Variants in AFAP1L1 observed in about 807,000 individuals in gnomAD.
AFAP1L1 encodes actin filament-associated protein 1-like 1.
In AFAP1L1, 77 loss-of-function variants were observed where a neutral mutation model predicts 99.8. The ratio of observed to expected loss-of-function variants is 0.77; its 90% CI spans 0.64 to 0.93. The LOEUF is 0.93. Ranked by LOEUF, AFAP1L1 falls within the 40% of genes least tolerant of loss-of-function variation. The pLI is 0.00. For missense variants in AFAP1L1, 893 were observed against 996.8 expected, an observed-to-expected ratio of 0.90 and a Z score of 1.40; for synonymous variants, 373 against 395.3, an observed-to-expected ratio of 0.94 and a Z score of 0.67.
chr5:149,304,315 G>A (rs1756326804), intron 5 of AFAP1L1: 1 of 152,248 alleles, frequency 6.6e-6, no homozygotes, highest in East Asian at 1.9e-4. Context: ...ATGGTGCTTG[G>A]ATCAGGTAAT....
At chr5:149,314,771 G>C (rs1333682937) in intron 9 of AFAP1L1, among the ~76,000 whole-genome samples, 1 of 152,216 alleles carries the variant, frequency 6.6e-6, no homozygotes, top group Non-Finnish European at 1.5e-5. Context: ...CATAAGCTGA[G>C]CCTGGTTTGA....
chr5:149,334,214 T>C (rs571883279), intron 17 of AFAP1L1, among the ~76,000 whole-genome samples: 1 of 152,326 alleles, frequency 6.6e-6, no homozygotes, highest in African/African-American at 2.4e-5. Context: ...CCACACCTGA[T>C]TGAGCCAGTG....
intron 5 of AFAP1L1, among the ~76,000 whole-genome samples, chr5:149,303,983 T>C (rs1455349390): frequency 2.0e-5 from 3 of 152,160 alleles, no homozygotes; most frequent in Admixed American, 6.5e-5. Context: ...CCCCAAACAT[T>C]GTCATCACCC....
At chr5:149,274,210 C>T (rs760760717) in intron 1 of AFAP1L1, among the ~76,000 whole-genome samples, 20 of 152,210 alleles carry the variant, frequency 1.3e-4, no homozygotes, top group Non-Finnish European at 2.9e-4. Flanking sequence ...CTATTGTGAT[C>T]AATCTGCTGA....
At chr5:149,276,919 A>T (rs1454615212) in intron 1 of AFAP1L1, 1 of 152,210 alleles carries the variant, frequency 6.6e-6, no homozygotes. Flanking sequence ...CACTGTCCAA[A>T]TGACATTGCT....
At chr5:149,331,586 C>T (rs1049351681) in intron 16 of AFAP1L1, among the ~76,000 whole-genome samples, 3 of 151,498 alleles carry the variant, frequency 2.0e-5, no homozygotes, top group Non-Finnish European at 4.4e-5. Context: ...CGCCACTGCA[C>T]TCCAGCCTGG....
chr5:149,318,213 C>G (rs143430138), intron 12 of AFAP1L1, among the ~76,000 whole-genome samples: 2,567 of 152,282 alleles, frequency 0.017, 67 homozygotes, highest in African/African-American at 0.055. Context: ...TTTATTGATA[C>G]TAAAATATTA....
intron 1 of AFAP1L1, among the ~76,000 whole-genome samples, chr5:149,285,150 C>G (rs1755639169): frequency 6.6e-6 from 1 of 152,038 alleles, no homozygotes; most frequent in African/African-American, 2.4e-5. Flanking sequence ...GGGGGCCTGG[C>G]CCAGAACCAA....
intron 6 of AFAP1L1, 78 bp from the exon 7 acceptor site, chr5:149,307,324 C>A: frequency 2.0e-6 from 3 of 1,470,750 alleles, no homozygotes; most frequent in African/African-American, 1.4e-5. Context: ...GTCCCCAGTG[C>A]AGGGATCGCT....
chr5:149,330,378 G>C (rs537874502), intron 16 of AFAP1L1, among the ~76,000 whole-genome samples: 10 of 152,294 alleles, frequency 6.6e-5, no homozygotes, highest in African/African-American at 2.4e-4. Flanking sequence ...TAAGCCTAAG[G>C]TTTCTTCACA....
Position 149,335,668 on chromosome 5 carries a change from G to T in AFAP1L1, c.2229G>T (p.Lys743Asn). ...LPVNCVSELRKRSPSIVASNQ... is the reference protein window; with the variant it reads ...LPVNCVSELRNRSPSIVASNQ... The stretch of plus-strand genomic sequence containing the variant: ...TCAACTGTGTTTCTGAGCTGAGGAA[G>T]AGGAGCCCATCCATCGTAGCCTCCA... Residue 743 changes from lysine to asparagine, a missense_variant, in exon 18 of 19, where the codon AAG (lysine) becomes AAT (asparagine). Lys to Asn is a moderately conservative substitution (Grantham distance 94). Coordinates refer to ENST00000296721, the MANE Select transcript of AFAP1L1 (RefSeq NM_152406.4). 1 of 1,613,806 alleles carries T rather than the reference G, an allele frequency of 6.2e-7. No homozygotes were observed. Among genetic ancestry groups the T allele is most frequent in the Non-Finnish European group, 8.5e-7 (1 of 1,180,030 alleles).
chr5:149,329,938 G>GCCCACTTCTCT, intron 16 of AFAP1L1, 108 bp downstream of exon 16: 19 of 1,068,212 alleles, frequency 1.8e-5, no homozygotes, highest in Non-Finnish European at 2.3e-5. Flanking sequence ...CCCAAGAGAA[G>GCCCACTTCTCT]TGGGCTTCTC....
chr5:149,332,645 G>T, intron 16 of AFAP1L1, 50 bp from the exon 17 acceptor site: 1 of 1,571,802 alleles, frequency 6.4e-7, no homozygotes, highest in South Asian at 1.2e-5. Flanking sequence ...CAGATTCCCT[G>T]ACATTTCAGG....
chr5:149,282,484 G>T (rs1000602924), intron 1 of AFAP1L1, among the ~76,000 whole-genome samples: 2 of 152,182 alleles, frequency 1.3e-5, no homozygotes. Flanking sequence ...CCCCCCTTGG[G>T]CTTCAGTTCC....
chr5:149,322,550 G>A (rs913164789), intron 14 of AFAP1L1, 56 bp from the exon 15 acceptor site: 107 of 1,293,888 alleles, frequency 8.3e-5, no homozygotes, highest in Non-Finnish European at 1.1e-4. Flanking sequence ...AATACACCCT[G>A]CATTGATGAG....
At chr5:149,332,395 CAA>C (rs35764548) in intron 16 of AFAP1L1, among the ~76,000 whole-genome samples, 3 of 150,348 alleles carry the variant, frequency 2.0e-5, no homozygotes, top group African/African-American at 7.3e-5. Flanking sequence ...GACTCCGTCT[CAA>C]AAAAAAAAGA....
At chr5:149,338,710 A>C (rs1757475986) in intron 18 of AFAP1L1, among the ~76,000 whole-genome samples, 1 of 152,224 alleles carries the variant, frequency 6.6e-6, no homozygotes, top group South Asian at 2.1e-4. Context: ...TAAATAAAGA[A>C]TGTGATGCCA....
intron 15 of AFAP1L1, among the ~76,000 whole-genome samples, chr5:149,328,325 A>T (rs882560): frequency 0.18 from 26,958 of 152,204 alleles, 2,835 homozygotes; most frequent in Middle Eastern, 0.41. Context: ...GCGCACAAAA[A>T]AAAAAGTAAA....
intron 5 of AFAP1L1, chr5:149,304,412 A>G (rs1304277570): frequency 6.6e-6 from 1 of 152,218 alleles, no homozygotes; most frequent in African/African-American, 2.4e-5. Context: ...TTTATTTTAT[A>G]CACTCAAGGA....
Sources: gnomAD v4.1 joint callset for allele counts (sites outside exome capture counted in the v4.1 genomes callset) on GRCh38, gnomAD v4.1.1 for gene constraint, MANE v1.5 for transcripts, NCBI Gene and HGNC (gene_info 2026-07-23, HGNC 2026-07-21) for gene names.